The following TRAPPC9 variants were observed in gnomAD, a reference collection of about 807,000 sequenced individuals.
The protein encoded by TRAPPC9 is trafficking protein particle complex subunit 9, also known as IKK2 binding protein.
In TRAPPC9, 83 loss-of-function variants were observed where a neutral mutation model predicts 124.0. The observed-to-expected ratio is 0.67, with a 90% confidence interval of 0.56 to 0.80. The LOEUF (loss-of-function observed/expected upper bound fraction) is 0.80, where lower values mean the gene tolerates loss of function less well. Ranked by LOEUF, TRAPPC9 falls within the 30% of genes least tolerant of loss-of-function variation. The probability of loss-of-function intolerance (pLI) is 0.00; values close to 1 mark genes in which losing one functional copy is unlikely to be tolerated. For synonymous variants in TRAPPC9, 638 were observed against 617.5 expected, an observed-to-expected ratio of 1.03 and a Z score of -0.49; for missense variants, 1,302 against 1,508.3, an observed-to-expected ratio of 0.86 and a Z score of 2.27.
chr8:140,417,538 G>A (rs568714909), intron 5 of TRAPPC9, among the ~76,000 whole-genome samples: 3 of 152,254 alleles, frequency 2.0e-5, no homozygotes, highest in East Asian at 3.9e-4. Context: ...TTAGACTGGC[G>A]ATCATTAAAA....
chr8:140,243,348 A>G (rs1328095174), intron 16 of TRAPPC9, among the ~76,000 whole-genome samples: 2 of 152,244 alleles, frequency 1.3e-5, no homozygotes, highest in Non-Finnish European at 2.9e-5. Flanking sequence ...AAAGAGGGGA[A>G]GCAGAGAAGG....
chr8:140,141,059 T>G (rs2061374760), intron 17 of TRAPPC9, among the ~76,000 whole-genome samples: 2 of 152,224 alleles, frequency 1.3e-5, no homozygotes, highest in African/African-American at 4.8e-5. Context: ...AAGCAACTTG[T>G]GGGCAGGAGA....
intron 16 of TRAPPC9, among the ~76,000 whole-genome samples, chr8:140,243,051 T>C (rs922219505): frequency 6.6e-6 from 1 of 152,150 alleles, no homozygotes; most frequent in Non-Finnish European, 1.5e-5. Flanking sequence ...CAAAGCTTAG[T>C]GCGCAGAACC....
At chr8:140,255,679 C>T (rs1378852962) in intron 15 of TRAPPC9, among the ~76,000 whole-genome samples, 5 of 152,170 alleles carry the variant, frequency 3.3e-5, no homozygotes, top group Non-Finnish European at 5.9e-5. Flanking sequence ...TGAGGCCAGG[C>T]GTTCGAGGCC....
Position 140,004,316 on chromosome 8 carries a change from A to T in TRAPPC9, c.2700-15480T>A, listed in dbSNP as rs544296973. ...TGCTCATTAAAGTTAGAACTCAAAA[A>T]ATCGTGCACCAAAAAAGTTCATTTT... On this transcript the variant is annotated intron_variant, in intron 18 of 22. Transcript: ENST00000438773. Among the ~76,000 whole-genome samples, 110 of 152,246 alleles carry T rather than the reference A, an allele frequency of 7.2e-4. 1 individual carries two copies. Among genetic ancestry groups the T allele is most frequent in the African/African-American group, 2.5e-3 (103 of 41,534 alleles).
chr8:140,193,187 A>G (rs1465548283), intron 17 of TRAPPC9, among the ~76,000 whole-genome samples: 1 of 152,228 alleles, frequency 6.6e-6, no homozygotes, highest in Non-Finnish European at 1.5e-5. Flanking sequence ...GAAATTTTCT[A>G]AATAATCTTT....
chr8:139,978,104 C>T (rs113002794), intron 19 of TRAPPC9, among the ~76,000 whole-genome samples: 1 of 152,182 alleles, frequency 6.6e-6, no homozygotes, highest in African/African-American at 2.4e-5. Flanking sequence ...TCTCGAACTC[C>T]TGGCTTCAAG....
At chr8:139,839,346 C>T (rs535430074) in intron 21 of TRAPPC9, among the ~76,000 whole-genome samples, 1 of 152,186 alleles carries the variant, frequency 6.6e-6, no homozygotes, top group Non-Finnish European at 1.5e-5. Flanking sequence ...TGCAGCAGAA[C>T]GGGATCCAGG....
At chr8:140,085,850 T>G (rs1195233298) in intron 17 of TRAPPC9, among the ~76,000 whole-genome samples, 1 of 152,234 alleles carries the variant, frequency 6.6e-6, no homozygotes, top group Non-Finnish European at 1.5e-5. Context: ...ATTTCTCTGA[T>G]TCATTGTTAA....
chr8:140,187,865 A>G (rs1453774320), intron 17 of TRAPPC9, among the ~76,000 whole-genome samples: 1 of 152,052 alleles, frequency 6.6e-6, no homozygotes, highest in African/African-American at 2.4e-5. Context: ...TGTAGAGATG[A>G]GGTTTCACCA....
At chr8:139,887,413 G>A (rs1830083796) in intron 20 of TRAPPC9, among the ~76,000 whole-genome samples, 1 of 151,976 alleles carries the variant, frequency 6.6e-6, no homozygotes, top group African/African-American at 2.4e-5. Flanking sequence ...AGTAGAGATG[G>A]GGTTTCACCA....
At chr8:140,304,656 G>A (rs534411335) in intron 10 of TRAPPC9, among the ~76,000 whole-genome samples, 9 of 152,292 alleles carry the variant, frequency 5.9e-5, no homozygotes, top group Admixed American at 4.6e-4. Context: ...CAGGTGCTGA[G>A]AGCATTAACA....
At chr8:140,235,036 T>C (rs1388341988) in intron 16 of TRAPPC9, among the ~76,000 whole-genome samples, 1 of 152,212 alleles carries the variant, frequency 6.6e-6, no homozygotes, top group Non-Finnish European at 1.5e-5. Context: ...AATGGCACAA[T>C]CTTGGCTCAC....
At chr8:140,102,395 ATGTCT>A (rs1314604859) in intron 17 of TRAPPC9, among the ~76,000 whole-genome samples, 1 of 152,200 alleles carries the variant, frequency 6.6e-6, no homozygotes, top group African/African-American at 2.4e-5. Context: ...ATTCTTATAG[ATGTCT>A]TAAGTTGGTA....
intron 7 of TRAPPC9, among the ~76,000 whole-genome samples, chr8:140,389,021 G>A (rs1206711329): frequency 2.1e-5 from 3 of 142,054 alleles, no homozygotes; most frequent in East Asian, 4.6e-4. Flanking sequence ...GCAATGGCGC[G>A]ATCTCAGCTC....
chr8:140,176,365 G>GTTATGACAGTTTCAC (rs1301447850), intron 17 of TRAPPC9, among the ~76,000 whole-genome samples: 13 of 152,168 alleles, frequency 8.5e-5, no homozygotes, highest in Non-Finnish European at 1.6e-4. Flanking sequence ...CCTGCCTCCT[G>GTTATGACAGTTTCAC]TTATGACAGT....
At chr8:139,920,217 G>A (rs1016829228) in intron 19 of TRAPPC9, among the ~76,000 whole-genome samples, 12 of 152,244 alleles carry the variant, frequency 7.9e-5, no homozygotes, top group African/African-American at 1.7e-4. Flanking sequence ...GTGGTGGCGC[G>A]CACCTGTAAT....
At chr8:140,179,848 G>C (rs1212967731) in intron 17 of TRAPPC9, among the ~76,000 whole-genome samples, 1 of 151,880 alleles carries the variant, frequency 6.6e-6, no homozygotes, top group Non-Finnish European at 1.5e-5. Context: ...AATACTACTG[G>C]TCAACTTTGT....
At chr8:140,323,851 A>G (rs1354928544) in intron 9 of TRAPPC9, among the ~76,000 whole-genome samples, 4 of 152,228 alleles carry the variant, frequency 2.6e-5, no homozygotes, top group East Asian at 3.8e-4. Context: ...AGATCCAACT[A>G]TATATACTTT....
Sources: allele counts gnomAD v4.1 joint callset (sites outside exome capture counted in the v4.1 genomes callset), GRCh38; gene constraint gnomAD v4.1.1; transcripts MANE v1.5; gene names NCBI Gene and HGNC (gene_info 2026-07-23, HGNC 2026-07-21).